Variants in DMD observed in about 807,000 individuals in gnomAD.
DMD encodes dystrophin, also known as mutant dystrophin.
Under a neutral mutation model 330.1 loss-of-function variants are expected in DMD, and 63 were observed. The ratio of observed to expected loss-of-function variants is 0.19; its 90% CI spans 0.16 to 0.24. DMD has a LOEUF of 0.24. Among genes scored for constraint, DMD ranks in the 10% least tolerant of loss-of-function variants. DMD has a pLI of 1.00. For missense variants in DMD, 3,344 were observed against 2,684.1 expected (o/e 1.25, Z -5.43); for synonymous variants, 1,223 against 959.8 (o/e 1.27, Z -5.07).
At chrX:32,866,742 T>TGG (rs61420337) in intron 2 of DMD, among the ~76,000 whole-genome samples, 3 of 37,301 alleles carry the variant, frequency 8.0e-5, no homozygotes, top group Non-Finnish European at 1.3e-4. Flanking sequence ...GGTGGGGGGG[T>TGG]GGGGGGGGGG....
chrX:33,078,585 G>C (rs919944653), intron 1 of DMD, among the ~76,000 whole-genome samples: 16 of 111,819 alleles, frequency 1.4e-4, no homozygotes, highest in Non-Finnish European at 2.4e-4. Flanking sequence ...TAACACATCA[G>C]TTTGCCACAT....
intron 1 of DMD, among the ~76,000 whole-genome samples, chrX:33,092,877 T>G (rs1032367218): frequency 9.1e-6 from 1 of 109,855 alleles, no homozygotes; most frequent in South Asian, 3.8e-4. Context: ...TATTTTATTT[T>G]ATTTATTTAT....
intron 44 of DMD, among the ~76,000 whole-genome samples, chrX:32,196,829 CA>C (rs771997734): frequency 1.6e-3 from 168 of 108,358 alleles, no homozygotes; most frequent in Non-Finnish European, 2.5e-3. Context: ...ACTAAAAATA[CA>C]AAAAAATTAG....
At chrX:32,344,608 G>A (rs1250009348) in intron 39 of DMD, among the ~76,000 whole-genome samples, 6 of 111,338 alleles carry the variant, frequency 5.4e-5, no homozygotes, top group Middle Eastern at 4.6e-3. Flanking sequence ...TGCCTTATTT[G>A]TGACATAACT....
intron 44 of DMD, among the ~76,000 whole-genome samples, chrX:32,201,947 T>C (rs1262729008): frequency 8.9e-6 from 1 of 112,328 alleles, no homozygotes; most frequent in East Asian, 2.8e-4. Flanking sequence ...ATTTTTATTT[T>C]CAAAAGAGAA....
intron 23 of DMD, among the ~76,000 whole-genome samples, chrX:32,466,368 C>G (rs1398810047): frequency 9.0e-6 from 1 of 111,283 alleles, no homozygotes; most frequent in African/African-American, 3.3e-5. Context: ...TTTCATAATC[C>G]TTTTTCCTAG....
Position 31,228,182 on chromosome X carries a change from A to G in DMD, c.9287-5061T>C, listed in dbSNP as rs752035530. ...GATGACGAGTTAGTGGGTGCAGCGCACCAGCATGGCACATGTATACATATG... is the reference window on the plus strand; with the variant it reads ...GATGACGAGTTAGTGGGTGCAGCGCGCCAGCATGGCACATGTATACATATG... On this transcript the variant is annotated intron_variant, in intron 63 of 78. Coordinates refer to ENST00000357033, the MANE Select transcript of DMD (RefSeq NM_004006.3). Among the ~76,000 whole-genome samples, 35 of 105,682 alleles carry G rather than the reference A, an allele frequency of 3.3e-4. 1 individual carries two copies. In the East Asian group the frequency reaches 9.8e-3, roughly 30 times the overall value. The allele number at this position is 105,682 out of a possible 115,157, so 91.8% of individuals were successfully genotyped here. A position where few individuals can be genotyped will look rare whatever the true frequency, so the allele number is the denominator to read the frequency against.
intron 1 of DMD, among the ~76,000 whole-genome samples, chrX:33,071,801 C>T (rs1226824023): frequency 9.0e-6 from 1 of 111,431 alleles, no homozygotes. Flanking sequence ...TAAAGAGTTG[C>T]CATAGACACA....
rs755232229 is a variant in DMD, at chrX:31,591,086, C to T, written c.8217+36587G>A. 7.6e-4 allele frequency among the ~76,000 whole-genome samples: 85 copies of T among 111,532 alleles called. No homozygotes were observed. The South Asian group carries it at 0.012, about 16-fold the overall frequency. ...AACTTACCAGATTTTAAATACTTAA[C>T]GGAAAAAATCTAATTAATAACTTTT... On this transcript the variant is annotated intron_variant, in intron 55 of 78. Transcript: ENST00000357033.
chrX:33,242,145 G>A (rs1209349586), intron 1 of DMD, among the ~76,000 whole-genome samples: 1 of 111,569 alleles, frequency 9.0e-6, no homozygotes, highest in Non-Finnish European at 1.9e-5. Flanking sequence ...TTGGGGTACA[G>A]GTGGTATTTG....
chrX:31,787,776 A>G (rs1167552510), intron 50 of DMD, among the ~76,000 whole-genome samples: 1 of 112,334 alleles, frequency 8.9e-6, no homozygotes, highest in Non-Finnish European at 1.9e-5. Flanking sequence ...TAACTGAAAT[A>G]GTGGAACTAG....
At chrX:32,509,435 G>C (rs1426953501) in intron 18 of DMD, among the ~76,000 whole-genome samples, 1 of 111,385 alleles carries the variant, frequency 9.0e-6, no homozygotes, top group Admixed American at 9.6e-5. Context: ...TGCTGAAAAA[G>C]GAAGATAACT....
intron 30 of DMD, among the ~76,000 whole-genome samples, chrX:32,394,620 C>T (rs1226280326): frequency 9.1e-6 from 1 of 110,173 alleles, no homozygotes; most frequent in Non-Finnish European, 1.9e-5. Flanking sequence ...AGCACAAAAC[C>T]CTAGGTATCT....
Position 32,715,496 on chromosome X carries a change from G to T in DMD, c.650-16203C>A, listed in dbSNP as rs59860354. On this transcript the variant is annotated intron_variant, in intron 7 of 78. Transcript: ENST00000357033. ...AAAAAAAAAAAAAAAAAAAAAAAAA[G>T]GAGATCTTGACCAGGTGTGGTGGCT... Among the ~76,000 whole-genome samples the T allele has an allele frequency of 4.0e-3, 329 of 83,267 alleles. 1 individual carries two copies. The highest frequency in any genetic ancestry group is 0.016 in the African/African-American group (287 of 18,326). 72.3% of individuals were successfully genotyped at this position (83,267 alleles called of 115,157 possible). A position where few individuals can be genotyped will look rare whatever the true frequency, so the allele number is the denominator to read the frequency against.
rs771157388 is a variant in DMD at position 32,712,779 on chromosome X, A to T, written c.650-13486T>A. Among the ~76,000 whole-genome samples, 8 of 111,640 alleles carry T rather than the reference A, an allele frequency of 7.2e-5. No individual in the cohort carries two copies. In the East Asian group the frequency reaches 2.2e-3, roughly 31 times the overall value. On this transcript the variant is annotated intron_variant, in intron 7 of 78. Coordinates refer to ENST00000357033, the MANE Select transcript of DMD (RefSeq NM_004006.3). Reference sequence around the variant, plus strand: ...TATTACTGTTTAATGGTCTTTCACAATGGAAAATATTTTAATTTTGTGTTG... The same window carrying T: ...TATTACTGTTTAATGGTCTTTCACATTGGAAAATATTTTAATTTTGTGTTG...
chrX:32,463,637 G>A, intron 24 of DMD, 43 bp from the exon 25 acceptor site: 1 of 1,047,922 alleles, frequency 9.5e-7, no homozygotes, highest in East Asian at 3.4e-5. Flanking sequence ...AAAAATTACT[G>A]CCACATATTA....
intron 2 of DMD, among the ~76,000 whole-genome samples, chrX:33,009,568 G>A (rs868818617): frequency 2.3e-5 from 1 of 43,756 alleles, no homozygotes; most frequent in African/African-American, 6.0e-5. Flanking sequence ...ATGTGTGTAT[G>A]TGTATATACA....
chrX:31,700,652 AATG>A (rs1359893625), intron 52 of DMD, among the ~76,000 whole-genome samples: 3 of 112,069 alleles, frequency 2.7e-5, no homozygotes, highest in Non-Finnish European at 5.6e-5. Flanking sequence ...ATCCAGTCAT[AATG>A]AAACATGTAA....
At chrX:31,566,062 C>T (rs1187174631) in intron 55 of DMD, among the ~76,000 whole-genome samples, 2 of 111,387 alleles carry the variant, frequency 1.8e-5, no homozygotes, top group African/African-American at 6.5e-5. Context: ...CAGTCTGTAG[C>T]TTGTCTTTTC....
Sources: gnomAD v4.1 joint callset for allele counts (sites outside exome capture counted in the v4.1 genomes callset) on GRCh38, gnomAD v4.1.1 for gene constraint, MANE v1.5 for transcripts, NCBI Gene and HGNC (gene_info 2026-07-23, HGNC 2026-07-21) for gene names.